ARSG: variants seen among roughly 807,000 people sequenced by gnomAD.
ARSG encodes arylsulfatase G.
A neutral mutation model predicts 50.5 loss-of-function variants in ARSG; 37 were observed. The ratio of observed to expected loss-of-function variants is 0.73; its 90% CI spans 0.56 to 0.96. ARSG has a LOEUF of 0.96. ARSG is among the 50% of genes least tolerant of loss of function. ARSG has a pLI of 0.00. For missense variants in ARSG, 629 were observed against 675.3 expected, an observed-to-expected ratio of 0.93 and a Z score of 0.76; for synonymous variants, 225 against 254.6, an observed-to-expected ratio of 0.88 and a Z score of 1.11.
chr17:68,434,340 T>C, the ARSG span, among the ~76,000 whole-genome samples: 1 of 152,178 alleles, frequency 6.6e-6, no homozygotes, highest in African/African-American at 2.4e-5. Flanking sequence ...AAAAAGGGAC[T>C]CTCACGGCTG....
chr17:68,361,366 A>G (rs1051045058), intron 6 of ARSG, among the ~76,000 whole-genome samples: 1 of 152,162 alleles, frequency 6.6e-6, no homozygotes, highest in African/African-American at 2.4e-5. Flanking sequence ...CTTGTCTGTT[A>G]ATAAGCCAAG....
intron 2 of ARSG, among the ~76,000 whole-genome samples, chr17:68,320,550 C>CG (rs1240675693): frequency 1.2e-4 from 18 of 152,188 alleles, no homozygotes; most frequent in African/African-American, 3.4e-4. Context: ...CCTCACTCTC[C>CG]GGGGGGTGTT....
At chr17:68,407,614 G>C (rs1364412859) in intron 11 of ARSG, among the ~76,000 whole-genome samples, 1 of 148,944 alleles carries the variant, frequency 6.7e-6, no homozygotes, top group Admixed American at 6.7e-5. Context: ...TTTTTTTTCA[G>C]CTATTGTAAA....
At chr17:68,296,660 A>G (rs1263456533) in intron 1 of ARSG, among the ~76,000 whole-genome samples, 1 of 152,060 alleles carries the variant, frequency 6.6e-6, no homozygotes, top group Admixed American at 6.6e-5. Flanking sequence ...TCCCATGCCC[A>G]TCGTTCATCC....
At chr17:68,449,457 A>G in the ARSG span, among the ~76,000 whole-genome samples, 1 of 152,192 alleles carries the variant, frequency 6.6e-6, no homozygotes, top group Non-Finnish European at 1.5e-5. Flanking sequence ...AAACACTGTA[A>G]TATGATTCAG....
chr17:68,419,818 C>T (rs1264058666), intron 11 of ARSG, among the ~76,000 whole-genome samples: 1 of 146,952 alleles, frequency 6.8e-6, no homozygotes, highest in Non-Finnish European at 1.5e-5. Context: ...AAAAGTTGGG[C>T]GTGGTGGTGC....
intron 10 of ARSG, chr17:68,400,264 T>C (rs1471752419): frequency 6.6e-6 from 1 of 152,282 alleles, no homozygotes; most frequent in Non-Finnish European, 1.5e-5. Context: ...TTTTGTTTTC[T>C]TTCACATCCT....
rs552339535 is a variant in ARSG, at chr17:68,306,948, C to G, written c.-546C>G. The G allele has an allele frequency of 6.6e-6, 1 of 152,250 alleles. No individual in the cohort carries two copies. Among genetic ancestry groups the G allele is most frequent in the Non-Finnish European group, 1.5e-5 (1 of 68,118 alleles). The allele number at this position is 152,250 out of a possible 1,614,324, so 9.4% of individuals were successfully genotyped here. ...GTCAATTTTTGTTCTTTCAGGAAACCTTACAGAAACATGAAGCCCTCAACC... is the reference window on the plus strand; with the variant it reads ...GTCAATTTTTGTTCTTTCAGGAAACGTTACAGAAACATGAAGCCCTCAACC... On this transcript the variant is annotated 5_prime_UTR_variant, in exon 2 of 12. Coordinates refer to ENST00000621439, the MANE Select transcript of ARSG (RefSeq NM_001267727.2).
chr17:68,271,539 T>C lies in ARSG; in HGVS notation c.-552+12113T>C, dbSNP rs781838059. The C allele has an allele frequency of 3.1e-6, 5 of 1,614,244 alleles. No homozygotes were observed. The Admixed American group carries it at 8.3e-5, about 27-fold the overall frequency. Reference sequence around the variant, plus strand: ...GGATGACTATTTTCGGTGACGCTGGTCCTCTGATAAAGATGGGTCTGAGCA... The same window carrying C: ...GGATGACTATTTTCGGTGACGCTGGCCCTCTGATAAAGATGGGTCTGAGCA... On this transcript the variant is annotated intron_variant, in intron 1 of 11. Coordinates refer to the ARSG transcript ENST00000448504. This position sits in a 1 kb window ranked among gnomAD's most constrained non-coding sequence, Gnocchi z 5.3.
chr17:68,392,561 G>A (rs1269640701), intron 9 of ARSG, among the ~76,000 whole-genome samples: 1 of 152,138 alleles, frequency 6.6e-6, no homozygotes, highest in Non-Finnish European at 1.5e-5. Flanking sequence ...GTGCAGTGGT[G>A]CAATCTCGGC....
At chr17:68,362,891 G>A (rs1482662200) in intron 6 of ARSG, among the ~76,000 whole-genome samples, 1 of 152,054 alleles carries the variant, frequency 6.6e-6, no homozygotes, top group Non-Finnish European at 1.5e-5. Context: ...TATCTATTGT[G>A]CTCATTCCTC....
chr17:68,398,131 A>G (rs2081325013), intron 10 of ARSG, among the ~76,000 whole-genome samples: 1 of 152,246 alleles, frequency 6.6e-6, no homozygotes, highest in Admixed American at 6.5e-5. Flanking sequence ...CTGTATACAT[A>G]CATGCATACA....
chr17:68,442,534 T>C, the ARSG span, among the ~76,000 whole-genome samples: 4 of 151,504 alleles, frequency 2.6e-5, no homozygotes, highest in Non-Finnish European at 4.4e-5. Context: ...AGCAACCCTG[T>C]CCTCTGGGGG....
chr17:68,426,254 G>GGGGGGTC, downstream of ARSG: 1 of 816,924 alleles, frequency 1.2e-6, no homozygotes, highest in Non-Finnish European at 1.9e-6. Context: ...GGGAGCGGGG[G>GGGGGGTC]CTCAAATAAA....
chr17:68,280,501 C>G (rs1167962703), intron 1 of ARSG, among the ~76,000 whole-genome samples: 1 of 152,214 alleles, frequency 6.6e-6, no homozygotes, highest in Non-Finnish European at 1.5e-5. Flanking sequence ...CTACACCCAA[C>G]TGATTTTTGG....
At chr17:68,428,770 G>A in the ARSG span, 3 of 1,356,414 alleles carry the variant, frequency 2.2e-6, no homozygotes, top group South Asian at 1.2e-5. Flanking sequence ...TCTTGGCGAA[G>A]GGACAACTCT....
intron 6 of ARSG, among the ~76,000 whole-genome samples, chr17:68,362,334 T>C (rs2079330731): frequency 6.6e-6 from 1 of 151,912 alleles, no homozygotes; most frequent in South Asian, 2.1e-4. Flanking sequence ...CTCTTTCTCC[T>C]TTCTCCTGTT....
chr17:68,262,237 T>G (rs2075083414), intron 1 of ARSG, among the ~76,000 whole-genome samples: 1 of 151,488 alleles, frequency 6.6e-6, no homozygotes, highest in Non-Finnish European at 1.5e-5. Context: ...TTTGGGAGGC[T>G]GAGGTCGGCG....
At position 68,278,192 on chromosome 17, in the gene ARSG, C is replaced by T. The variant is rs782301771; in HGVS notation, c.-552+18766C>T. On this transcript the variant is annotated intron_variant, in intron 1 of 11. Transcript: ENST00000448504. Reference sequence around the variant, plus strand: ...AGTCATTAAAGAAGACACCAAATGTCTTGATGATGCCGTAGGTGAAGACTT... The same window carrying T: ...AGTCATTAAAGAAGACACCAAATGTTTTGATGATGCCGTAGGTGAAGACTT... The T allele has an allele frequency of 1.9e-6, 3 of 1,614,150 alleles. No homozygotes were observed. The South Asian group carries it at 3.3e-5, about 18-fold the overall frequency.
Sources: allele counts gnomAD v4.1 joint callset (sites outside exome capture counted in the v4.1 genomes callset), GRCh38; gene constraint gnomAD v4.1.1; non-coding constraint Gnocchi (gnomAD v3.1); transcripts MANE v1.5; gene names NCBI Gene and HGNC (gene_info 2026-07-23, HGNC 2026-07-21).